Variants in PPP4R3A observed in about 807,000 individuals in gnomAD.
PPP4R3A encodes protein phosphatase 4 regulatory subunit 3A, also known as serine/threonine-protein phosphatase 4 regulatory subunit 3A.
Under a neutral mutation model 91.7 loss-of-function variants are expected in PPP4R3A, and 15 were observed. The observed-to-expected ratio is 0.16, with a 90% CI of 0.11 to 0.25. The LOEUF (loss-of-function observed/expected upper bound fraction) is 0.25, where lower values mean the gene tolerates loss of function less well. PPP4R3A is among the 10% of genes least tolerant of loss of function. The pLI, the probability that PPP4R3A is intolerant of heterozygous loss-of-function variation, is 1.00. For synonymous variants in PPP4R3A, 377 were observed against 348.7 expected, an observed-to-expected ratio of 1.08 and a Z score of -0.91; for missense variants, 623 against 998.4, an observed-to-expected ratio of 0.62 and a Z score of 5.07.
rs558674538 is a variant in PPP4R3A at position 91,458,660 on chromosome 14, T to C, written c.*99A>G. 1 of 1,557,558 alleles carries C rather than the reference T, an allele frequency of 6.4e-7. No homozygotes were observed. Among genetic ancestry groups the C allele is most frequent in the Non-Finnish European group, 8.9e-7 (1 of 1,129,552 alleles). On this transcript the variant is annotated 3_prime_UTR_variant, in exon 15 of 15. Coordinates refer to ENST00000554943, the MANE Select transcript of PPP4R3A (RefSeq NM_001366432.2). ...GTAAGAGGCTGATCTGTGTCAGTCA[T>C]TCACAAGAGACCACTGCGCTTTGTT...
Position 91,458,095 on chromosome 14 carries a change from AAAAC to A in PPP4R3A, c.*660_*663del, listed in dbSNP as rs2140053650. The A allele has an allele frequency of 6.5e-6, 1 of 153,156 alleles. No homozygotes were observed. Among genetic ancestry groups the A allele is most frequent in the Admixed American group, 6.5e-5 (1 of 15,322 alleles). 9.5% of individuals were successfully genotyped at this position (153,156 alleles called of 1,614,324 possible). On this transcript the variant is annotated 3_prime_UTR_variant, in exon 15 of 15. Transcript: ENST00000554943. The stretch of plus-strand genomic sequence containing the variant: ...ACTCAGGGGAGGAAAAAAAAAATCA[AAAAC>A]AAAATAAAACAAAAAAATTATGACA...
chr14:91,459,904 C>T (rs946339239), intron 14 of PPP4R3A, among the ~76,000 whole-genome samples: 1 of 151,832 alleles, frequency 6.6e-6, no homozygotes, highest in African/African-American at 2.4e-5. Flanking sequence ...GGTAGACAGG[C>T]TTTTTCTATT....
At chr14:91,460,777 C>T (rs904002134) in intron 14 of PPP4R3A, among the ~76,000 whole-genome samples, 10 of 151,712 alleles carry the variant, frequency 6.6e-5, no homozygotes, top group South Asian at 2.1e-4. Context: ...CCCGCCACCA[C>T]GCCTGGCTAA....
At chr14:91,502,596 T>G (rs1370027067) in intron 1 of PPP4R3A, among the ~76,000 whole-genome samples, 2 of 152,192 alleles carry the variant, frequency 1.3e-5, no homozygotes, top group Non-Finnish European at 1.5e-5. Flanking sequence ...TGTTCTGACC[T>G]CCTTTTCTAA....
rs2273647 is a variant in PPP4R3A, at chr14:91,461,942, C to G, written c.2164+107G>C. The G allele has an allele frequency of 1.9e-5, 26 of 1,403,346 alleles. No individual in the cohort carries two copies. The African/African-American group carries it at 2.8e-4, about 15-fold the overall frequency. The allele number at this position is 1,403,346 out of a possible 1,614,324, so 86.9% of individuals were successfully genotyped here. On this transcript the variant is annotated intron_variant, in intron 13 of 14. Transcript: ENST00000554943. ...CCATAAAGCAATAGAGTCTTTAAAC[C>G]GTATGCCATCACACCTTCCAAGCAA...
At chr14:91,495,823 G>C (rs534264063) in intron 1 of PPP4R3A, among the ~76,000 whole-genome samples, 3 of 152,148 alleles carry the variant, frequency 2.0e-5, no homozygotes, top group Non-Finnish European at 4.4e-5. Context: ...GGAGGCAGAG[G>C]TGGGAGGATT....
chr14:91,462,516 T>C (rs79103105), intron 12 of PPP4R3A, among the ~76,000 whole-genome samples: 5,286 of 127,280 alleles, frequency 0.042, 155 homozygotes, highest in Admixed American at 0.085. Context: ...TTTTTTTTTT[T>C]CCCTTATCTA....
At chr14:91,507,457 A>G (rs913155848) in intron 1 of PPP4R3A, among the ~76,000 whole-genome samples, 3 of 136,630 alleles carry the variant, frequency 2.2e-5, no homozygotes, top group Non-Finnish European at 4.6e-5. Context: ...TATAGTATAT[A>G]TACTATAATT....
chr14:91,492,749 C>T (rs188724427), intron 1 of PPP4R3A, among the ~76,000 whole-genome samples: 4 of 152,318 alleles, frequency 2.6e-5, no homozygotes, highest in African/African-American at 7.2e-5. Flanking sequence ...TGGCTTAGGA[C>T]GCTCAGATAA....
chr14:91,501,420 T>C (rs771148629), intron 1 of PPP4R3A, among the ~76,000 whole-genome samples: 14 of 152,156 alleles, frequency 9.2e-5, no homozygotes, highest in Non-Finnish European at 1.9e-4. Flanking sequence ...TATGCTTCAT[T>C]AGTAGAGAGA....
At chr14:91,480,196 TAAA>T (rs967708813) in intron 4 of PPP4R3A, among the ~76,000 whole-genome samples, 1 of 152,150 alleles carries the variant, frequency 6.6e-6, no homozygotes, top group Non-Finnish European at 1.5e-5. Context: ...AATAGACACT[TAAA>T]AAATTCCCAT....
chr14:91,468,303 G>A (rs1888601434), intron 10 of PPP4R3A, among the ~76,000 whole-genome samples: 1 of 152,120 alleles, frequency 6.6e-6, no homozygotes, highest in Non-Finnish European at 1.5e-5. Context: ...AATACTGCAA[G>A]CAAAATAATG....
chr14:91,460,114 C>T (rs1567142890), intron 14 of PPP4R3A, among the ~76,000 whole-genome samples: 1 of 152,076 alleles, frequency 6.6e-6, no homozygotes, highest in Non-Finnish European at 1.5e-5. Flanking sequence ...CGGGATCACA[C>T]CATTCGCCTG....
intron 2 of PPP4R3A, among the ~76,000 whole-genome samples, chr14:91,490,315 C>G (rs1595077020): frequency 6.6e-6 from 1 of 152,230 alleles, no homozygotes; most frequent in African/African-American, 2.4e-5. Context: ...CATAATAAGA[C>G]CCTATTCAGG....
Position 91,509,853 on chromosome 14 carries a change from C to G in PPP4R3A, c.-206G>C, listed in dbSNP as rs1891677958. ...CTGGGCCGCCGCCTTTCCTCGCCTC[C>G]GGCTCCCCGGCGCTATTGTCCAGGC... On this transcript the variant is annotated 5_prime_UTR_variant, in exon 1 of 15. Transcript: ENST00000554943. 8.7e-7 allele frequency: 1 copy of G among 1,150,012 alleles called. No homozygotes were observed. The highest frequency in any genetic ancestry group is 1.6e-5 in the African/African-American group (1 of 61,072). 71.2% of individuals were successfully genotyped at this position (1,150,012 alleles called of 1,614,324 possible).
intron 4 of PPP4R3A, among the ~76,000 whole-genome samples, chr14:91,481,069 A>C (rs1327807461): frequency 4.0e-5 from 6 of 151,742 alleles, no homozygotes; most frequent in Non-Finnish European, 2.9e-5. Context: ...CCAGTGGCTC[A>C]CACCTGTAAT....
chr14:91,473,528 G>A (rs1194222128), intron 7 of PPP4R3A, among the ~76,000 whole-genome samples, 158 bp from the exon 8 acceptor site: 3 of 152,218 alleles, frequency 2.0e-5, no homozygotes, highest in African/African-American at 2.4e-5. Context: ...ACATATGACA[G>A]TGTTTCATTC....
chr14:91,489,408 C>T (rs983801409), intron 2 of PPP4R3A, among the ~76,000 whole-genome samples: 1 of 152,200 alleles, frequency 6.6e-6, no homozygotes, highest in Non-Finnish European at 1.5e-5. Flanking sequence ...CACTTTGTGG[C>T]TGATGCTTAA....
At chr14:91,483,593 G>C (rs1261262455) in intron 3 of PPP4R3A, among the ~76,000 whole-genome samples, 2 of 152,180 alleles carry the variant, frequency 1.3e-5, no homozygotes, top group African/African-American at 2.4e-5. Context: ...ATTATATTAA[G>C]AATGCCATCT....
Sources: allele counts gnomAD v4.1 joint callset (sites outside exome capture counted in the v4.1 genomes callset), GRCh38; gene constraint gnomAD v4.1.1; transcripts MANE v1.5; gene names NCBI Gene and HGNC (gene_info 2026-07-23, HGNC 2026-07-21).